NKAIN3: variants seen among roughly 807,000 people sequenced by gnomAD.
NKAIN3 encodes the protein sodium/potassium-transporting ATPase subunit beta-1-interacting protein 3.
A neutral mutation model predicts 30.2 loss-of-function variants in NKAIN3; 25 were observed. The observed-to-expected ratio is 0.83, with a 90% CI of 0.60 to 1.16. The LOEUF is 1.16. Among genes scored for constraint, NKAIN3 ranks in the 50% most tolerant of loss-of-function variants. The pLI is 0.00. For missense variants in NKAIN3, 225 were observed against 254.1 expected, an observed-to-expected ratio of 0.89 and a Z score of 0.78; for synonymous variants, 91 against 89.6, an observed-to-expected ratio of 1.02 and a Z score of -0.09.
intron 5 of NKAIN3, among the ~76,000 whole-genome samples, chr8:62,941,638 A>G (rs1822955889): frequency 6.6e-6 from 1 of 152,226 alleles, no homozygotes; most frequent in South Asian, 2.1e-4. Context: ...CACCACATAA[A>G]CAGAGTTAAT....
intron 1 of NKAIN3, among the ~76,000 whole-genome samples, chr8:62,280,947 T>C (rs1813158370): frequency 6.6e-6 from 1 of 152,332 alleles, no homozygotes; most frequent in Admixed American, 6.5e-5. Flanking sequence ...TCAAAAGGAA[T>C]GGTACCAGCT....
rs370576265 is a variant in NKAIN3 at position 62,256,224 on chromosome 8, G to A, written c.54+7097G>A. 8.6e-5 allele frequency among the ~76,000 whole-genome samples: 13 copies of A among 151,962 alleles called. 1 individual carries two copies. The East Asian group carries it at 2.1e-3, about 25-fold the overall frequency. On this transcript the variant is annotated intron_variant, in intron 1 of 6. Transcript: ENST00000623646. ...GGCCAGGAGTTTGGGACCTGCCTGG[G>A]CAACAAAGTGAGACCCTGTCTCTAT...
chr8:62,862,880 T>C (rs2130789906), intron 4 of NKAIN3, among the ~76,000 whole-genome samples: 1 of 152,334 alleles, frequency 6.6e-6, no homozygotes, highest in Non-Finnish European at 1.5e-5. Flanking sequence ...GCAAAAACTC[T>C]AAAAGGAGCT....
chr8:62,989,861 A>T (rs533952746), downstream of NKAIN3, among the ~76,000 whole-genome samples: 3 of 152,296 alleles, frequency 2.0e-5, no homozygotes, highest in Admixed American at 2.0e-4. Flanking sequence ...GACATCATGA[A>T]TTCTCTGAGT....
intron 1 of NKAIN3, among the ~76,000 whole-genome samples, chr8:62,363,324 G>T (rs553826884): frequency 4.0e-4 from 61 of 152,138 alleles, no homozygotes; most frequent in African/African-American, 1.4e-3. Flanking sequence ...TGTAAGGAGA[G>T]CTCACTTTTT....
intron 1 of NKAIN3, among the ~76,000 whole-genome samples, chr8:62,492,309 C>G (rs1405142322): frequency 6.6e-6 from 1 of 152,086 alleles, no homozygotes; most frequent in Non-Finnish European, 1.5e-5. Flanking sequence ...TTTGGGAACA[C>G]TTGGTCTTGG....
chr8:62,564,521 G>T (rs1392512085), intron 1 of NKAIN3, among the ~76,000 whole-genome samples: 1 of 152,132 alleles, frequency 6.6e-6, no homozygotes, highest in Non-Finnish European at 1.5e-5. Context: ...TTAACCACGT[G>T]CATCTTGCTT....
At chr8:62,855,502 T>C in intron 4 of NKAIN3, 1 of 1,402,594 alleles carries the variant, frequency 7.1e-7, no homozygotes, top group East Asian at 2.3e-5. Context: ...TAAATTTCCC[T>C]TCAGGATTGT....
chr8:62,716,850 C>G (rs758263824), intron 3 of NKAIN3, among the ~76,000 whole-genome samples: 2 of 152,112 alleles, frequency 1.3e-5, no homozygotes, highest in Non-Finnish European at 1.5e-5. Context: ...ATAATCCCAG[C>G]ACTTATGAGA....
chr8:62,772,542 A>G (rs1292520260), intron 4 of NKAIN3, among the ~76,000 whole-genome samples: 1 of 152,122 alleles, frequency 6.6e-6, no homozygotes, highest in Non-Finnish European at 1.5e-5. Flanking sequence ...GGGGAGAAAT[A>G]TCCCATTGTA....
At position 62,714,062 on chromosome 8, in the gene NKAIN3, G is replaced by A. The variant is rs565876476; in HGVS notation, c.274-32870G>A. Among the ~76,000 whole-genome samples the A allele has an allele frequency of 2.8e-3, 423 of 152,172 alleles. 3 individuals are homozygous for A. The highest frequency in any genetic ancestry group is 9.8e-3 in the African/African-American group (408 of 41,532). On this transcript the variant is annotated intron_variant, in intron 3 of 6. Transcript: ENST00000623646. ...ATCGATAAAAGTTTATGGATCAGCA[G>A]GCAATATAATTTGCCATACCTCTCC...
rs1815879198 is a variant in NKAIN3 at position 62,344,861 on chromosome 8, G to C, written c.54+95734G>C. Reference sequence around the variant, plus strand: ...CTGTGAAGAATGTCATGGGTATTTTGATAGGGATTGCATTAAATTGTTAGA... The same window carrying C: ...CTGTGAAGAATGTCATGGGTATTTTCATAGGGATTGCATTAAATTGTTAGA... On this transcript the variant is annotated intron_variant, in intron 1 of 6. Coordinates refer to ENST00000623646, the MANE Select transcript of NKAIN3 (RefSeq NM_001304533.3). The C allele has an allele frequency of 9.1e-6, 4 of 439,326 alleles. No individual in the cohort carries two copies. The Admixed American group carries it at 9.8e-5, about 11-fold the overall frequency. The allele number at this position is 439,326 out of a possible 1,614,324, so 27.2% of individuals were successfully genotyped here.
intron 2 of NKAIN3, among the ~76,000 whole-genome samples, chr8:62,588,219 T>G (rs1810538210): frequency 6.6e-6 from 1 of 151,786 alleles, no homozygotes; most frequent in Admixed American, 6.6e-5. Flanking sequence ...GCTTCAAAAC[T>G]TATTGAAAGT....
rs1029808404 is a variant in NKAIN3, at chr8:62,980,063, A to G, written c.*14656A>G. ...CTCAGATCACTGTTCTTTGCTTCCCAAAAGACAGAACAGCTCAGTCCTGGC... is the reference window on the plus strand; with the variant it reads ...CTCAGATCACTGTTCTTTGCTTCCCGAAAGACAGAACAGCTCAGTCCTGGC... On this transcript the variant is annotated 3_prime_UTR_variant, in exon 7 of 7. Transcript: ENST00000623646. 7.5e-4 allele frequency: 114 copies of G among 152,330 alleles called. 1 individual carries two copies. The highest frequency in any genetic ancestry group is 2.7e-3 in the African/African-American group (111 of 41,570). 9.4% of individuals were successfully genotyped at this position (152,330 alleles called of 1,614,324 possible).
chr8:62,318,118 A>C (rs1399756839), intron 1 of NKAIN3, among the ~76,000 whole-genome samples: 1 of 152,130 alleles, frequency 6.6e-6, no homozygotes, highest in Non-Finnish European at 1.5e-5. Context: ...GATTTTTTGC[A>C]CATTGATTTT....
intron 1 of NKAIN3, among the ~76,000 whole-genome samples, chr8:62,326,056 TTTA>T (rs1479362582): frequency 6.6e-6 from 1 of 152,044 alleles, no homozygotes; most frequent in Non-Finnish European, 1.5e-5. Flanking sequence ...TTTTGTTACA[TTTA>T]TTATTAATTT....
chr8:62,997,012 C>T (rs945038980), intron 5 of NKAIN3, among the ~76,000 whole-genome samples: 4 of 152,184 alleles, frequency 2.6e-5, no homozygotes, highest in Non-Finnish European at 5.9e-5. Flanking sequence ...TGGTGGCCCT[C>T]TTCTCACAGT....
chr8:62,281,821 T>C (rs1813204591), intron 1 of NKAIN3, among the ~76,000 whole-genome samples: 1 of 152,132 alleles, frequency 6.6e-6, no homozygotes, highest in African/African-American at 2.4e-5. Context: ...ACATTTTCTT[T>C]TATGTTGAGC....
chr8:62,727,171 C>A (rs1395269974), intron 3 of NKAIN3, among the ~76,000 whole-genome samples: 3 of 152,042 alleles, frequency 2.0e-5, no homozygotes, highest in Admixed American at 2.0e-4. Context: ...TAAAAATGGT[C>A]AGCAAATTAG....
Sources: gnomAD v4.1 joint callset for allele counts (sites outside exome capture counted in the v4.1 genomes callset) on GRCh38, gnomAD v4.1.1 for gene constraint, MANE v1.5 for transcripts, NCBI Gene and HGNC (gene_info 2026-07-23, HGNC 2026-07-21) for gene names.